The following PER2 variants were observed in gnomAD, a reference collection of about 807,000 sequenced individuals.
The protein encoded by PER2 is period circadian regulator 2, also known as period circadian protein homolog 2.
A neutral mutation model predicts 121.0 loss-of-function variants in PER2; 66 were observed. The ratio of observed to expected loss-of-function variants is 0.55; its 90% CI spans 0.45 to 0.67. PER2 has a LOEUF of 0.67. Among genes scored for constraint, PER2 ranks in the 30% least tolerant of loss-of-function variants. The probability of loss-of-function intolerance (pLI) is 0.00; values close to 1 mark genes in which losing one functional copy is unlikely to be tolerated. For missense variants in PER2, 1,521 were observed against 1,635.0 expected (o/e 0.93, Z 1.20); for synonymous variants, 684 against 659.9 (o/e 1.04, Z -0.56).
chr2:238,289,253 C>T (rs770143113), upstream of PER2: 1 of 152,216 alleles, frequency 6.6e-6, no homozygotes, highest in South Asian at 2.1e-4. Flanking sequence ...GCGGGAAAGT[C>T]CGCGCGGCAT....
In PER2 at chr2:238,247,436, C is replaced by T. The variant is rs143453101; in HGVS notation, c.3619-912G>A. 1.0e-3 allele frequency: 155 copies of T among 152,368 alleles called. 2 individuals are homozygous for T. In the Middle Eastern group the frequency reaches 0.02, roughly 20 times the overall value. 9.4% of individuals were successfully genotyped at this position (152,368 alleles called of 1,614,324 possible). On this transcript the variant is annotated intron_variant, in intron 22 of 22. Transcript: ENST00000254657. ...GACAGAAGCCCCCACCAGTATCTTA[C>T]CGTCAACATCAGGAACGACCCTGAG...
At chr2:238,296,865 G>A in the PER2 span, among the ~76,000 whole-genome samples, 4 of 152,246 alleles carry the variant, frequency 2.6e-5, no homozygotes, top group African/African-American at 4.8e-5. Context: ...CTGGGCTCAC[G>A]TGGTTGATGA....
chr2:238,283,986 G>T (rs1294235183), intron 1 of PER2, among the ~76,000 whole-genome samples: 1 of 152,156 alleles, frequency 6.6e-6, no homozygotes, highest in Non-Finnish European at 1.5e-5. Flanking sequence ...CCTCCTATGT[G>T]ATCTCGGACA....
chr2:238,294,829 C>T (rs968874269), upstream of PER2, among the ~76,000 whole-genome samples: 1 of 152,234 alleles, frequency 6.6e-6, no homozygotes, highest in Non-Finnish European at 1.5e-5. Flanking sequence ...ACGTGCCTCT[C>T]GTTCTCCAAA....
Position 238,281,855 on chromosome 2 carries a change from C to A in PER2, c.-19-3900G>T, listed in dbSNP as rs572068978. 3.3e-5 allele frequency among the ~76,000 whole-genome samples: 5 copies of A among 152,294 alleles called. No individual in the cohort carries two copies. The East Asian group carries it at 9.6e-4, about 29-fold the overall frequency. ...GCATACTCTTCCCACCTCCAGGAAT[C>A]CATTGCAGAGAAGTGCTTATTTATG... On this transcript the variant is annotated intron_variant, in intron 1 of 22. Coordinates refer to ENST00000254657, the MANE Select transcript of PER2 (RefSeq NM_022817.3).
chr2:238,256,249 G>T (rs1695756831), intron 17 of PER2, among the ~76,000 whole-genome samples: 1 of 152,166 alleles, frequency 6.6e-6, no homozygotes, highest in Non-Finnish European at 1.5e-5. Flanking sequence ...TCAACGTGCT[G>T]AGTCTTTCCG....
intron 20 of PER2, 95 bp from the exon 21 acceptor site, chr2:238,250,838 G>C: frequency 1.2e-6 from 1 of 847,018 alleles, no homozygotes; most frequent in Non-Finnish European, 2.0e-6. Context: ...ATTTGAGAGA[G>C]CCCAGTGCCT....
intron 6 of PER2, 143 bp downstream of exon 6, chr2:238,271,169 T>C: frequency 1.3e-6 from 1 of 769,896 alleles, no homozygotes; most frequent in Admixed American, 1.7e-5. Context: ...ATCCTTTACC[T>C]TTGCCAGAGC....
At position 238,246,404 on chromosome 2, in the gene PER2, AG is replaced by A. The variant is rs763866600; in HGVS notation, c.3738del (p.Leu1247Ter). On this transcript the variant is annotated frameshift_variant, in exon 23 of 23. Coordinates refer to ENST00000254657, the MANE Select transcript of PER2 (RefSeq NM_022817.3). LOFTEE classifies it low-confidence loss of function (END_TRUNC). ...GTCTGCTCTTCGATCCTGTGATTCAAGGGGGATCCATTTTCGTCTTCTTTGG... is the reference window on the plus strand; with the variant it reads ...GTCTGCTCTTCGATCCTGTGATTCAAGGGGATCCATTTTCGTCTTCTTTGG... Reference protein sequence around the residue: ...SDTKEDENGSPLNHRIEEQT With the variant: ...SDTKEDENGSXLNHRIEEQT 63 of 1,612,404 alleles carry A rather than the reference AG, an allele frequency of 3.9e-5. No individual in the cohort carries two copies. Among genetic ancestry groups the A allele is most frequent in the Non-Finnish European group, 5.2e-5 (61 of 1,179,096 alleles).
chr2:238,248,801 G>T (rs995279061), intron 22 of PER2, among the ~76,000 whole-genome samples: 1 of 151,958 alleles, frequency 6.6e-6, no homozygotes, highest in Non-Finnish European at 1.5e-5. Flanking sequence ...GACTACAGGC[G>T]CCCGCCACCA....
At chr2:238,275,709 A>G in intron 4 of PER2, 34 bp downstream of exon 4, 2 of 1,603,208 alleles carry the variant, frequency 1.2e-6, no homozygotes, top group South Asian at 1.1e-5. Flanking sequence ...ACATATTTCT[A>G]TAGGTTTGGA....
chr2:238,250,183 C>T (rs1695560035), intron 21 of PER2, among the ~76,000 whole-genome samples: 1 of 152,270 alleles, frequency 6.6e-6, no homozygotes, highest in East Asian at 1.9e-4. Flanking sequence ...CTAAGTCAGA[C>T]AGCCAGATAC....
chr2:238,292,972 G>A (rs1195734814), upstream of PER2, among the ~76,000 whole-genome samples: 2 of 150,974 alleles, frequency 1.3e-5, no homozygotes, highest in Non-Finnish European at 3.0e-5. Context: ...TCCTGACCTC[G>A]TGATCCGCCC....
Position 238,249,135 on chromosome 2 carries a change from C to T in PER2, c.3545G>A (p.Ser1182Asn), listed in dbSNP as rs1021341311. Residue 1182 changes from serine to asparagine, a missense_variant, in exon 22 of 23, where the codon AGT becomes AAT. Transcript: ENST00000254657. ...LQKLQPRFTE[S>N]QKQELREVHQ... ...GACCTCGCGCAGCTCCTGCTTCTGA[C>T]TCTCCGTGAACCTGGGCTGGAGTTT... 7 of 1,614,064 alleles carry T rather than the reference C, an allele frequency of 4.3e-6. No individual in the cohort carries two copies. Among genetic ancestry groups the T allele is most frequent in the African/African-American group, 4.0e-5 (3 of 74,946 alleles).
chr2:238,274,388 C>A (rs1241787278), intron 4 of PER2, among the ~76,000 whole-genome samples: 1 of 152,238 alleles, frequency 6.6e-6, no homozygotes, highest in Non-Finnish European at 1.5e-5. Flanking sequence ...GTGCTTCCTG[C>A]AATGTGGTGA....
chr2:238,293,529 G>A (rs1017793791), upstream of PER2, among the ~76,000 whole-genome samples: 5 of 152,080 alleles, frequency 3.3e-5, no homozygotes, highest in African/African-American at 1.2e-4. Context: ...GAGGTCAGGA[G>A]TTCGAGACCA....
intron 4 of PER2, among the ~76,000 whole-genome samples, chr2:238,273,803 G>A (rs1696369012): frequency 6.6e-6 from 1 of 152,190 alleles, no homozygotes; most frequent in Non-Finnish European, 1.5e-5. Flanking sequence ...TAGTAGCTGG[G>A]ACTACAGGCA....
In PER2 at chr2:238,261,728, C is replaced by G. The variant is rs1695939623; in HGVS notation, c.1416+1G>C. On this transcript the variant is annotated splice_donor_variant, in intron 12 of 22. Transcript: ENST00000254657. LOFTEE classifies it high-confidence loss of function. ...GGAGGACATGCAGGCACCACACCCA[C>G]CTGCAGCAGGAGCCGGTGGATCTGC... 1 of 1,549,972 alleles carries G rather than the reference C, an allele frequency of 6.5e-7. No homozygotes were observed. The highest frequency in any genetic ancestry group is 1.4e-5 in the African/African-American group (1 of 73,142).
intron 14 of PER2, among the ~76,000 whole-genome samples, chr2:238,259,285 A>T (rs1438704420): frequency 6.6e-6 from 1 of 152,246 alleles, no homozygotes; most frequent in African/African-American, 2.4e-5. Context: ...ACAGAGAATG[A>T]GCAAGGGCCC....
Sources: allele counts gnomAD v4.1 joint callset (sites outside exome capture counted in the v4.1 genomes callset), GRCh38; gene constraint gnomAD v4.1.1; transcripts MANE v1.5; gene names NCBI Gene and HGNC (gene_info 2026-07-23, HGNC 2026-07-21).